The following EYS variants were observed in gnomAD, a reference collection of about 807,000 sequenced individuals.
EYS encodes EGF-like photoreceptor maintenance factor.
EYS carries 250 observed loss-of-function variants against 282.1 expected under a neutral mutation model. That is an observed-to-expected ratio of 0.89 (90% confidence interval 0.80 to 0.98). The LOEUF is 0.98. Among genes scored for constraint, EYS ranks in the 50% least tolerant of loss-of-function variants. EYS has a pLI of 0.00. For synonymous variants in EYS, 1,355 were observed against 1,282.9 expected (o/e 1.06, Z -1.20); for missense variants, 4,016 against 3,709.0 (o/e 1.08, Z -2.15).
At chr6:63,897,210 G>A (rs993454128) in intron 35 of EYS, among the ~76,000 whole-genome samples, 2 of 152,142 alleles carry the variant, frequency 1.3e-5, no homozygotes, top group African/African-American at 4.8e-5. Flanking sequence ...GGCCAAAGAT[G>A]TTACTGAATT....
At chr6:63,970,287 T>C (rs1766500881) in intron 35 of EYS, among the ~76,000 whole-genome samples, 1 of 152,206 alleles carries the variant, frequency 6.6e-6, no homozygotes, top group East Asian at 1.9e-4. Flanking sequence ...AGGCGTCCTG[T>C]GCTGCTGCAC....
intron 35 of EYS, among the ~76,000 whole-genome samples, chr6:63,869,794 AGAG>A (rs1313365791): frequency 7.2e-5 from 11 of 152,192 alleles, no homozygotes; most frequent in African/African-American, 2.7e-4. Flanking sequence ...TCTGGTACAA[AGAG>A]AAGTGGGTTG....
intron 5 of EYS, among the ~76,000 whole-genome samples, chr6:65,480,443 ATAT>A (rs1241180255): frequency 6.6e-6 from 1 of 152,134 alleles, no homozygotes; most frequent in Non-Finnish European, 1.5e-5. Context: ...GAGAAGCAAC[ATAT>A]TATATTGATT....
chr6:65,043,272 A>G (rs1282281965), intron 13 of EYS, among the ~76,000 whole-genome samples: 1 of 151,528 alleles, frequency 6.6e-6, no homozygotes, highest in East Asian at 1.9e-4. Context: ...TGTTTAAAGC[A>G]AATTTTATAA....
At chr6:64,882,544 A>T (rs1766956823) in intron 19 of EYS, among the ~76,000 whole-genome samples, 1 of 151,840 alleles carries the variant, frequency 6.6e-6, no homozygotes, top group African/African-American at 2.4e-5. Context: ...GACAAAAAAA[A>T]ATGATTACTA....
chr6:64,306,605 T>C (rs1769454209), intron 30 of EYS, among the ~76,000 whole-genome samples: 1 of 152,162 alleles, frequency 6.6e-6, no homozygotes, highest in Admixed American at 6.5e-5. Context: ...TTGAGAGTGA[T>C]AATTTGGAAA....
intron 36 of EYS, among the ~76,000 whole-genome samples, chr6:63,858,075 G>A (rs756958715): frequency 6.6e-6 from 1 of 152,118 alleles, no homozygotes; most frequent in Non-Finnish European, 1.5e-5. Context: ...CGATGCATAA[G>A]GTCAGCCTGT....
At chr6:65,306,376 C>T (rs4079463) in intron 11 of EYS, among the ~76,000 whole-genome samples, 11 of 152,080 alleles carry the variant, frequency 7.2e-5, no homozygotes, top group African/African-American at 1.7e-4. Flanking sequence ...ATTTATGTAT[C>T]GACACACCTC....
intron 12 of EYS, among the ~76,000 whole-genome samples, chr6:65,273,497 A>G (rs1056115297): frequency 6.6e-6 from 1 of 152,204 alleles, no homozygotes; most frequent in African/African-American, 2.4e-5. Context: ...TTCAAGGACA[A>G]TTATAAGGTA....
At chr6:64,085,340 G>GCGCGCGCGCACACACACACACACACA (rs112388321) in intron 31 of EYS, among the ~76,000 whole-genome samples, 5 of 139,814 alleles carry the variant, frequency 3.6e-5, no homozygotes, top group African/African-American at 1.4e-4. Context: ...ACGTGCGCGC[G>GCGCGCGCGCACACACACACACACACA]CACACACACA....
intron 30 of EYS, among the ~76,000 whole-genome samples, chr6:64,301,791 G>A (rs1485281073): frequency 1.3e-5 from 2 of 152,044 alleles, no homozygotes; most frequent in Admixed American, 6.6e-5. Flanking sequence ...CATACCTAAC[G>A]CTTTAACACT....
At chr6:64,628,993 T>C (rs185609094) in intron 22 of EYS, among the ~76,000 whole-genome samples, 224 of 152,290 alleles carry the variant, frequency 1.5e-3, no homozygotes, top group African/African-American at 5.1e-3. Flanking sequence ...GAAGTCTATG[T>C]ATTATTGCAG....
At chr6:64,989,555 T>G (rs1290625123) in intron 14 of EYS, among the ~76,000 whole-genome samples, 2 of 138,418 alleles carry the variant, frequency 1.4e-5, no homozygotes, top group Admixed American at 1.5e-4. Context: ...ATATCATATA[T>G]TTTATATTTA....
chr6:65,226,616 G>GA (rs1439378820), intron 12 of EYS, among the ~76,000 whole-genome samples: 4 of 151,980 alleles, frequency 2.6e-5, no homozygotes, highest in Non-Finnish European at 4.4e-5. Context: ...AAAAACCTGA[G>GA]AAAAAACAAG....
At position 65,669,311 on chromosome 6, in the gene EYS, C is replaced by T. The variant is rs542012920; in HGVS notation, c.-447-29419G>A. Among the ~76,000 whole-genome samples, 87 of 151,876 alleles carry T rather than the reference C, an allele frequency of 5.7e-4. No homozygotes were observed. In the South Asian group the frequency reaches 0.011, roughly 18 times the overall value. ...ATGCTAAAAGGAATCTGACTTGGAG[C>T]GAAGGCCCTTTTCTAGAGGCATAAG... On this transcript the variant is annotated intron_variant, in intron 1 of 42. Coordinates refer to ENST00000503581, the MANE Select transcript of EYS (RefSeq NM_001142800.2).
At chr6:65,115,977 C>A (rs1202533939) in intron 12 of EYS, among the ~76,000 whole-genome samples, 1 of 149,918 alleles carries the variant, frequency 6.7e-6, no homozygotes, top group South Asian at 2.1e-4. Flanking sequence ...ATCTATCTAT[C>A]TATCTATCTA....
intron 26 of EYS, among the ~76,000 whole-genome samples, chr6:64,556,107 C>T (rs1765224555): frequency 6.6e-6 from 1 of 151,874 alleles, no homozygotes; most frequent in South Asian, 2.1e-4. Flanking sequence ...CATACACTTA[C>T]CAACAACTGA....
At chr6:64,508,551 T>TTTA (rs34222008) in intron 26 of EYS, among the ~76,000 whole-genome samples, 19,111 of 142,374 alleles carry the variant, frequency 0.13, 1,384 homozygotes, top group African/African-American at 0.18. Flanking sequence ...TTTCTAAGTA[T>TTTA]TTATTATTAT....
At chr6:64,494,359 C>T (rs1447151980) in intron 26 of EYS, among the ~76,000 whole-genome samples, 2 of 151,640 alleles carry the variant, frequency 1.3e-5, no homozygotes, top group East Asian at 1.9e-4. Context: ...TATTCTCAGA[C>T]TTTCACCACC....
Sources: gnomAD v4.1 joint callset for allele counts (sites outside exome capture counted in the v4.1 genomes callset) on GRCh38, gnomAD v4.1.1 for gene constraint, MANE v1.5 for transcripts, NCBI Gene and HGNC (gene_info 2026-07-23, HGNC 2026-07-21) for gene names.